The following KIF20B variants were observed in gnomAD, a reference collection of about 807,000 sequenced individuals.
The protein encoded by KIF20B is kinesin-like protein KIF20B.
Under a neutral mutation model 232.5 loss-of-function variants are expected in KIF20B, and 188 were observed. The ratio of observed to expected loss-of-function variants is 0.81; its 90% CI spans 0.72 to 0.91. KIF20B has a LOEUF of 0.91. Ranked by LOEUF, KIF20B falls within the 40% of genes least tolerant of loss-of-function variation. The probability of loss-of-function intolerance (pLI) is 0.00; values close to 1 mark genes in which losing one functional copy is unlikely to be tolerated. For synonymous variants in KIF20B, 712 were observed against 683.0 expected (o/e 1.04, Z -0.66); for missense variants, 2,154 against 2,055.9 (o/e 1.05, Z -0.92).
Position 89,725,088 on chromosome 10 carries a change from A to G in KIF20B, c.1931A>G (p.Asp644Gly), listed in dbSNP as rs757420354. 6.2e-7 allele frequency: 1 copy of G among 1,614,040 alleles called. No homozygotes were observed. The highest frequency in any genetic ancestry group is 1.1e-5 in the South Asian group (1 of 91,068). Residue 644 changes from aspartate (D) to glycine (G), a missense_variant, in exon 15 of 33, where the codon GAT (aspartate) becomes GGT (glycine). Coordinates refer to ENST00000371728, the MANE Select transcript of KIF20B (RefSeq NM_001284259.2). ...NAERRLAIFK[D>G]LVGKCDTREE... ...GAACGTCGTTTGGCTATCTTCAAGG[A>G]TTTGGTTGGTAAATGTGACACTCGA...
chr10:89,718,178 T>A (rs1842973866), intron 11 of KIF20B, among the ~76,000 whole-genome samples: 1 of 152,174 alleles, frequency 6.6e-6, no homozygotes, highest in Non-Finnish European at 1.5e-5. Context: ...CCCAGTTAAA[T>A]GTGGTTTTCT....
intron 1 of KIF20B, among the ~76,000 whole-genome samples, chr10:89,702,284 T>A (rs993658054): frequency 6.6e-5 from 10 of 152,088 alleles, no homozygotes; most frequent in Non-Finnish European, 1.0e-4. Flanking sequence ...CCTTCTAGGG[T>A]TTTGCAGTGC....
chr10:89,764,491 A>G (rs1375396978), intron 29 of KIF20B, among the ~76,000 whole-genome samples: 1 of 152,146 alleles, frequency 6.6e-6, no homozygotes, highest in Non-Finnish European at 1.5e-5. Flanking sequence ...ACGATGGTTG[A>G]ACTAGTTTAC....
intron 26 of KIF20B, among the ~76,000 whole-genome samples, chr10:89,758,186 G>A (rs768192403): frequency 5.3e-5 from 8 of 151,922 alleles, no homozygotes; most frequent in Non-Finnish European, 1.2e-4. Context: ...CTATTTGGAG[G>A]AGACATCTTA....
rs544494671 is a variant in KIF20B, at chr10:89,731,338, T to A, written c.2392-1565T>A. On this transcript the variant is annotated intron_variant, in intron 18 of 32. Coordinates refer to ENST00000371728, the MANE Select transcript of KIF20B (RefSeq NM_001284259.2). ...AAAAAATCAATATTTGTAAATTAGTTAGTCCTTGCTTGTAAATAAACTTTA... is the reference window on the plus strand; with the variant it reads ...AAAAAATCAATATTTGTAAATTAGTAAGTCCTTGCTTGTAAATAAACTTTA... Among the ~76,000 whole-genome samples the A allele has an allele frequency of 2.0e-5, 3 of 152,068 alleles. No individual in the cohort carries two copies. In the East Asian group the frequency reaches 5.8e-4, roughly 29 times the overall value.
chr10:89,753,526 C>T (rs1209559597), intron 25 of KIF20B, among the ~76,000 whole-genome samples: 3 of 152,162 alleles, frequency 2.0e-5, no homozygotes, highest in East Asian at 1.9e-4. Context: ...GTGTATTTTG[C>T]ATTGTTCTAA....
chr10:89,768,618 T>C, intron 30 of KIF20B, 120 bp from the exon 31 acceptor site: 1 of 1,003,358 alleles, frequency 1.0e-6, no homozygotes, highest in Non-Finnish European at 1.4e-6. Context: ...CCTTACATAC[T>C]TAAAGTTTCC....
chr10:89,772,199 T>C (rs1049795059), intron 31 of KIF20B, among the ~76,000 whole-genome samples: 23 of 152,082 alleles, frequency 1.5e-4, no homozygotes, highest in Non-Finnish European at 3.2e-4. Context: ...CTAAAAGCAA[T>C]CAGCTGTTAA....
Position 89,738,580 on chromosome 10 carries a change from G to C in KIF20B, c.3739G>C (p.Glu1247Gln). The change falls in exon 20 of 33, where the codon GAA becomes CAA. Residue 1247 changes from glutamate (E) to glutamine (Q), a missense_variant. Physicochemically the swap from Glu to Gln is conservative, Grantham distance 29. Coordinates refer to ENST00000371728, the MANE Select transcript of KIF20B (RefSeq NM_001284259.2). The stretch of plus-strand genomic sequence containing the variant: ...TATGAAACATTTACTTCAATTAAAA[G>C]AAGAAGAAGAAGAAACCAACAGGCA... The part of the protein sequence containing the change: ...QDMKHLLQLK[E>Q]EEEETNRQET... The C allele has an allele frequency of 6.8e-7, 1 of 1,462,616 alleles. No individual in the cohort carries two copies. The highest frequency in any genetic ancestry group is 9.2e-7 in the Non-Finnish European group (1 of 1,091,460). 90.6% of individuals were successfully genotyped at this position (1,462,616 alleles called of 1,614,324 possible).
chr10:89,737,654 C>A lies in KIF20B; in HGVS notation c.2813C>A (p.Ser938Ter). The A allele has an allele frequency of 1.2e-6, 2 of 1,611,536 alleles. No individual in the cohort carries two copies. The highest frequency in any genetic ancestry group is 2.2e-5 in the South Asian group (2 of 90,524). The part of the protein sequence containing the change: ...TLSKEVQQIQ[S>*]NYDIAIAELH... ...AGTAAAGAGGTCCAACAAATTCAGT[C>A]AAATTATGATATTGCAATTGCTGAA... is the stretch of plus-strand genomic sequence containing the variant. The change falls in exon 20 of 33, where the codon TCA becomes TAA. Residue 938 changes from serine (S) to a stop codon, truncating the protein, a stop_gained. Transcript: ENST00000371728. LOFTEE classifies it high-confidence loss of function.
At chr10:89,765,211 G>A (rs1347338252) in intron 29 of KIF20B, among the ~76,000 whole-genome samples, 8 of 152,064 alleles carry the variant, frequency 5.3e-5, no homozygotes, top group South Asian at 2.1e-4. Flanking sequence ...GTAGATATGC[G>A]GCGTTATTTC....
chr10:89,733,819 G>T (rs895161203), intron 19 of KIF20B, among the ~76,000 whole-genome samples: 2 of 152,108 alleles, frequency 1.3e-5, no homozygotes, highest in African/African-American at 4.8e-5. Flanking sequence ...TTTAAAATTA[G>T]TCTGTATTGA....
In KIF20B at chr10:89,769,983, G is replaced by A. The variant is rs149246434; in HGVS notation, c.5242+1095G>A. ...TTTTTGTCGAAGGCTTACCACAGAC[G>A]TTTCCAAACTTTGTTGGTTCACAGT... On this transcript the variant is annotated intron_variant, in intron 31 of 32. Coordinates refer to ENST00000371728, the MANE Select transcript of KIF20B (RefSeq NM_001284259.2). Among the ~76,000 whole-genome samples the A allele has an allele frequency of 1.7e-3, 259 of 152,082 alleles. 1 individual carries two copies. The highest frequency in any genetic ancestry group is 4.8e-3 in the South Asian group (23 of 4,828).
intron 23 of KIF20B, among the ~76,000 whole-genome samples, chr10:89,748,754 C>A (rs964140150): frequency 6.6e-6 from 1 of 152,190 alleles, no homozygotes; most frequent in African/African-American, 2.4e-5. Flanking sequence ...CTGGAAAAGT[C>A]TACCCTTGGA....
chr10:89,734,577 A>G (rs550780314), intron 19 of KIF20B, among the ~76,000 whole-genome samples: 3 of 152,194 alleles, frequency 2.0e-5, no homozygotes, highest in Non-Finnish European at 4.4e-5. Flanking sequence ...ATTAGTATAT[A>G]TGGAAATGAG....
At chr10:89,723,930 C>A (rs752264778) in intron 13 of KIF20B, 34 bp from the exon 14 acceptor site, 124 of 1,387,754 alleles carry the variant, frequency 8.9e-5, no homozygotes, top group Non-Finnish European at 1.1e-4. Context: ...TATATTTATT[C>A]TTTTATAAGA....
At chr10:89,748,163 C>G (rs935704490) in intron 23 of KIF20B, among the ~76,000 whole-genome samples, 4 of 152,196 alleles carry the variant, frequency 2.6e-5, no homozygotes, top group African/African-American at 9.6e-5. Flanking sequence ...GCACCAGCCA[C>G]CATGCCTGGC....
chr10:89,743,895 G>C lies in KIF20B; in HGVS notation c.4003G>C (p.Asp1335His), dbSNP rs143200257. ...KKKNQCSQEL[D>H]MKQRTIQQLK... ...GAAAAACCAGTGTTCTCAGGAATTA[G>C]ATATGAAACAGCGAACCATTCAGCA... Residue 1335 changes from aspartate (D) to histidine (H), a missense_variant, in exon 22 of 33, where the codon GAT (aspartate) becomes CAT (histidine). Asp to His is a moderately conservative substitution (Grantham distance 81). Coordinates refer to ENST00000371728, the MANE Select transcript of KIF20B (RefSeq NM_001284259.2). 2 of 1,589,960 alleles carry C rather than the reference G, an allele frequency of 1.3e-6. No individual in the cohort carries two copies. Among genetic ancestry groups the C allele is most frequent in the Non-Finnish European group, 1.7e-6 (2 of 1,171,554 alleles).
chr10:89,730,776 C>G (rs1477468065), intron 18 of KIF20B, among the ~76,000 whole-genome samples: 1 of 152,088 alleles, frequency 6.6e-6, no homozygotes, highest in African/African-American at 2.4e-5. Flanking sequence ...ACCTTGAATA[C>G]TGCATTAAAG....
Sources: allele counts gnomAD v4.1 joint callset (sites outside exome capture counted in the v4.1 genomes callset), GRCh38; gene constraint gnomAD v4.1.1; transcripts MANE v1.5; gene names NCBI Gene and HGNC (gene_info 2026-07-23, HGNC 2026-07-21).